SMARCD3: variants seen among roughly 807,000 people sequenced by gnomAD.
SMARCD3 encodes SWI/SNF-related matrix-associated actin-dependent regulator of chromatin subfamily D member 3.
In SMARCD3, 14 loss-of-function variants were observed where a neutral mutation model predicts 58.0. The observed-to-expected ratio is 0.24, with a 90% CI of 0.16 to 0.38. SMARCD3 has a LOEUF of 0.38. SMARCD3 is among the 10% of genes least tolerant of loss of function. The pLI, the probability that SMARCD3 is intolerant of heterozygous loss-of-function variation, is 1.00. For missense variants in SMARCD3, 408 were observed against 636.9 expected (o/e 0.64, Z 3.87); for synonymous variants, 253 against 253.8 (o/e 1.00, Z 0.03).
At chr7:151,261,444 C>G (rs1206065045) in intron 2 of SMARCD3, among the ~76,000 whole-genome samples, 3 of 152,188 alleles carry the variant, frequency 2.0e-5, no homozygotes, top group African/African-American at 7.2e-5. Context: ...TGACCATAAC[C>G]CTGATCATGT....
chr7:151,267,315 C>A (rs1352728709), intron 2 of SMARCD3, among the ~76,000 whole-genome samples: 1 of 152,196 alleles, frequency 6.6e-6, no homozygotes, highest in Non-Finnish European at 1.5e-5. Context: ...GACAGGAACA[C>A]AAGGCGTAGA....
chr7:151,240,338 G>A (rs1401975030), intron 9 of SMARCD3, 87 bp downstream of exon 9: 1 of 1,600,164 alleles, frequency 6.2e-7, no homozygotes, highest in Non-Finnish European at 8.6e-7. Context: ...GGAGGGAGAA[G>A]AGATGGGAGT....
chr7:151,273,392 C>T (rs923626271), intron 2 of SMARCD3, among the ~76,000 whole-genome samples: 3 of 152,154 alleles, frequency 2.0e-5, no homozygotes, highest in Non-Finnish European at 4.4e-5. Flanking sequence ...TAGGGCCTAA[C>T]GAAGGGCATG....
rs773357722 is a variant in SMARCD3, at chr7:151,239,634, C to T, written c.1286G>A (p.Arg429Gln). 10 of 1,614,072 alleles carry T rather than the reference C, an allele frequency of 6.2e-6. No individual in the cohort carries two copies. Among genetic ancestry groups the T allele is most frequent in the South Asian group, 1.1e-5 (1 of 91,080 alleles). Residue 429 changes from arginine (R) to glutamine (Q), a missense_variant, in exon 11 of 13, where the codon CGG becomes CAG. Transcript: ENST00000262188. This position sits in a 1 kb window ranked among gnomAD's most constrained non-coding sequence, Gnocchi z 7.0. ...YVQDLLRSQS[R>Q]DLKVMTDVAG... ...AGTCTCCCTCTTCACCTTGAGGTCC[C>T]GGCTCTGGGAGCGGAGCAGGTCTTG...
At position 151,241,691 on chromosome 7, in the gene SMARCD3, GAGAA is replaced by G; in HGVS notation, c.778-42_778-39del. 6.3e-7 allele frequency: 1 copy of G among 1,586,560 alleles called. No homozygotes were observed. The highest frequency in any genetic ancestry group is 8.6e-7 in the Non-Finnish European group (1 of 1,162,396). On this transcript the variant is annotated intron_variant, in intron 7 of 12. Coordinates refer to ENST00000262188, the MANE Select transcript of SMARCD3 (RefSeq NM_001003801.2). This position sits in a 1 kb window ranked among gnomAD's most constrained non-coding sequence, Gnocchi z 5.3. ...GACTGTGAAAGTTAGACCAAAGGGA[GAGAA>G]AGGAAGGAGCCCAGGGCCAGGCCAT...
Position 151,241,771 on chromosome 7 carries a change from T to C in SMARCD3, c.777+106A>G. The stretch of plus-strand genomic sequence containing the variant: ...GAGGAAACATGCCCCTGGGGAAGGA[T>C]AGGTTTGGGAGGGGAAGGAGGTCTC... On this transcript the variant is annotated intron_variant, in intron 7 of 12. Coordinates refer to ENST00000262188, the MANE Select transcript of SMARCD3 (RefSeq NM_001003801.2). This position sits in a 1 kb window ranked among gnomAD's most constrained non-coding sequence, Gnocchi z 5.3. 1.4e-6 allele frequency: 2 copies of C among 1,383,296 alleles called. No homozygotes were observed. Among genetic ancestry groups the C allele is most frequent in the Admixed American group, 2.0e-5 (1 of 51,218 alleles). The allele number at this position is 1,383,296 out of a possible 1,614,324, so 85.7% of individuals were successfully genotyped here. A position where few individuals can be genotyped will look rare whatever the true frequency, so the allele number is the denominator to read the frequency against.
At chr7:151,256,396 C>A (rs1803699689) in intron 2 of SMARCD3, among the ~76,000 whole-genome samples, 1 of 151,832 alleles carries the variant, frequency 6.6e-6, no homozygotes, top group South Asian at 2.1e-4. Context: ...GTCTCGAACT[C>A]CTGACCTCAA....
chr7:151,239,667 C>G lies in SMARCD3; in HGVS notation c.1253G>C (p.Gly418Ala), dbSNP rs758437181. Residue 418 changes from glycine to alanine, a missense_variant, in exon 11 of 13, where the codon GGC becomes GCC. This residue lies in a region of SMARCD3 where 81 missense variants were observed against 109.7 expected (regional missense o/e 0.74). Coordinates refer to ENST00000262188, the MANE Select transcript of SMARCD3 (RefSeq NM_001003801.2). The surrounding 1 kb of genome is among the most constrained non-coding windows in gnomAD (Gnocchi z 7.0). Reference sequence around the variant, plus strand: ...GGAGCGGAGCAGGTCTTGGACATAGCCTTTGGGGTCTCTGGAGAAGCTTAG... The same window carrying G: ...GGAGCGGAGCAGGTCTTGGACATAGGCTTTGGGGTCTCTGGAGAAGCTTAG... ...FMLSFSRDPKGYVQDLLRSQS... is the reference protein window; with the variant it reads ...FMLSFSRDPKAYVQDLLRSQS... 1.4e-5 allele frequency: 22 copies of G among 1,614,048 alleles called. No individual in the cohort carries two copies. The Admixed American group carries it at 3.3e-4, about 24-fold the overall frequency.
At chr7:151,247,684 A>C (rs1584875259) in intron 1 of SMARCD3, among the ~76,000 whole-genome samples, 2 of 149,072 alleles carry the variant, frequency 1.3e-5, no homozygotes, top group Non-Finnish European at 3.0e-5. Flanking sequence ...TGCTTCTCCC[A>C]TTCCCCACCC....
chr7:151,275,210 G>A lies in SMARCD3; in HGVS notation c.-58C>T, dbSNP rs532881833. 25 of 1,482,866 alleles carry A rather than the reference G, an allele frequency of 1.7e-5. 1 individual carries two copies. The highest frequency in any genetic ancestry group is 1.7e-4 in the Middle Eastern group (1 of 5,816). The allele number at this position is 1,482,866 out of a possible 1,614,324, so 91.9% of individuals were successfully genotyped here. ...CAGTGCCCCCTCGGTGCCTGGGCCC[G>A]GAGCCCACCGCGCCTGCAGCACCAA... On this transcript the variant is annotated 5_prime_UTR_variant, in exon 2 of 14. Transcript: ENST00000356800.
chr7:151,260,216 G>A (rs773910162), intron 2 of SMARCD3, among the ~76,000 whole-genome samples: 3 of 152,098 alleles, frequency 2.0e-5, no homozygotes, highest in Non-Finnish European at 4.4e-5. Context: ...AAGCTTGCCT[G>A]CTGGGGGTAG....
At chr7:151,259,889 C>G (rs150425922) in intron 2 of SMARCD3, among the ~76,000 whole-genome samples, 1 of 151,622 alleles carries the variant, frequency 6.6e-6, no homozygotes, top group Non-Finnish European at 1.5e-5. Flanking sequence ...GGATTACAGG[C>G]GTGAGCCACC....
At position 151,240,414 on chromosome 7, in the gene SMARCD3, G is replaced by A. The variant is rs368393034; in HGVS notation, c.1037+11C>T. 1.8e-4 allele frequency: 292 copies of A among 1,610,260 alleles called. No individual in the cohort carries two copies. The highest frequency in any genetic ancestry group is 2.4e-4 in the Non-Finnish European group (285 of 1,177,066). The stretch of plus-strand genomic sequence containing the variant: ...TTCCCTGGTCTGAGAAGCAAGCTGG[G>A]GCCACCTCACCTGATGACATGGTTG... On this transcript the variant is annotated intron_variant, in intron 9 of 12. Coordinates refer to ENST00000262188, the MANE Select transcript of SMARCD3 (RefSeq NM_001003801.2).
chr7:151,261,393 A>G (rs927508992), intron 2 of SMARCD3, among the ~76,000 whole-genome samples: 10 of 152,088 alleles, frequency 6.6e-5, no homozygotes, highest in Non-Finnish European at 1.0e-4. Flanking sequence ...ACAGCCCTTG[A>G]GTCAATTGGT....
chr7:151,248,745 C>T (rs553808128), upstream of SMARCD3: 3,480 of 1,147,198 alleles, frequency 3.0e-3, 87 homozygotes, highest in African/African-American at 0.052. This position sits in a 1 kb window ranked among gnomAD's most constrained non-coding sequence, Gnocchi z 6.1. Flanking sequence ...CCCACGCCGC[C>T]GCCGCCCGCC....
Position 151,241,013 on chromosome 7 carries a change from A to AAT in SMARCD3, c.939+477_939+478dup, listed in dbSNP as rs1802960425. On this transcript the variant is annotated intron_variant, in intron 8 of 12. Transcript: ENST00000262188. This position sits in a 1 kb window ranked among gnomAD's most constrained non-coding sequence, Gnocchi z 5.3. ...TGCTGTATTTATTTTTAAATGCATTAATAAGAATATTCTCTGTTTTGGTGG... is the reference window on the plus strand; with the variant it reads ...TGCTGTATTTATTTTTAAATGCATTAATATAAGAATATTCTCTGTTTTGGTGG... The AAT allele has an allele frequency of 4.2e-6, 1 of 240,026 alleles. No homozygotes were observed. The highest frequency in any genetic ancestry group is 8.2e-6 in the Non-Finnish European group (1 of 121,434). 14.9% of individuals were successfully genotyped at this position (240,026 alleles called of 1,614,324 possible).
In SMARCD3 at chr7:151,242,313, CAG is replaced by C. The variant is rs1160862985; in HGVS notation, c.580-83_580-82del. ...AGAAGGAGGCCAAGTTGGCAGCCGA[CAG>C]GGCAGTGGGCTTAGATGAAATCCTC... is the stretch of plus-strand genomic sequence containing the variant. On this transcript the variant is annotated intron_variant, in intron 5 of 12. Coordinates refer to ENST00000262188, the MANE Select transcript of SMARCD3 (RefSeq NM_001003801.2). The surrounding 1 kb of genome is among the most constrained non-coding windows in gnomAD (Gnocchi z 4.7). 1.4e-6 allele frequency: 2 copies of C among 1,393,764 alleles called. No individual in the cohort carries two copies. Among genetic ancestry groups the C allele is most frequent in the East Asian group, 2.3e-5 (1 of 43,818 alleles). 86.3% of individuals were successfully genotyped at this position (1,393,764 alleles called of 1,614,324 possible). A position where few individuals can be genotyped will look rare whatever the true frequency, so the allele number is the denominator to read the frequency against.
chr7:151,262,965 A>G (rs1207956355), intron 2 of SMARCD3, among the ~76,000 whole-genome samples: 1 of 152,216 alleles, frequency 6.6e-6, no homozygotes, highest in Non-Finnish European at 1.5e-5. Flanking sequence ...AAAACTAGTA[A>G]CAGGGAAGCC....
At chr7:151,252,517 C>T (rs1584881697), upstream of SMARCD3, among the ~76,000 whole-genome samples, 1 of 152,158 alleles carries the variant, frequency 6.6e-6, no homozygotes, top group East Asian at 1.9e-4. Context: ...AGTGAGACCA[C>T]TTGGCGCTGT....
Sources: allele counts gnomAD v4.1 joint callset (sites outside exome capture counted in the v4.1 genomes callset), GRCh38; gene constraint gnomAD v4.1.1; regional missense constraint gnomAD v4.1.1; non-coding constraint Gnocchi (gnomAD v3.1); transcripts MANE v1.5; gene names NCBI Gene and HGNC (gene_info 2026-07-23, HGNC 2026-07-21).